NBEA: variants seen among roughly 807,000 people sequenced by gnomAD.
NBEA encodes neurobeachin.
NBEA carries 44 observed loss-of-function variants against 343.4 expected under a neutral mutation model. The observed-to-expected ratio is 0.13, with a 90% CI of 0.10 to 0.16. The LOEUF (loss-of-function observed/expected upper bound fraction) is 0.16. Ranked by LOEUF, NBEA falls within the 10% of genes least tolerant of loss-of-function variation. The pLI is 1.00. For missense variants in NBEA, 2,555 were observed against 3,631.3 expected, an observed-to-expected ratio of 0.70 and a Z score of 7.62; for synonymous variants, 1,175 against 1,238.7, an observed-to-expected ratio of 0.95 and a Z score of 1.08.
intron 48 of NBEA, among the ~76,000 whole-genome samples, chr13:35,626,332 T>C (rs2083229353): frequency 6.6e-6 from 1 of 152,152 alleles, no homozygotes; most frequent in African/African-American, 2.4e-5. Flanking sequence ...AAAAAACACA[T>C]TTTAAAAGCT....
intron 38 of NBEA, among the ~76,000 whole-genome samples, chr13:35,382,753 T>A (rs1317761754): frequency 1.3e-5 from 2 of 152,164 alleles, no homozygotes; most frequent in African/African-American, 4.8e-5. Flanking sequence ...AAAATGCCTG[T>A]ATTTTGCAAC....
chr13:35,514,646 T>C (rs1424907812), intron 41 of NBEA, among the ~76,000 whole-genome samples: 2 of 152,208 alleles, frequency 1.3e-5, no homozygotes, highest in African/African-American at 4.8e-5. Flanking sequence ...ATCTGTTCAT[T>C]TTTGCTGTTT....
At chr13:35,026,900 C>G (rs2062037065) in intron 1 of NBEA, among the ~76,000 whole-genome samples, 1 of 152,090 alleles carries the variant, frequency 6.6e-6, no homozygotes, top group African/African-American at 2.4e-5. Flanking sequence ...CACACCCATC[C>G]TCTTACCCTC....
intron 40 of NBEA, among the ~76,000 whole-genome samples, chr13:35,459,015 CCCCACACA>C (rs2046758067): frequency 9.5e-6 from 1 of 104,916 alleles, no homozygotes; most frequent in African/African-American, 4.6e-5. Flanking sequence ...GCCCCCCCCC[CCCCACACA>C]CACACACACA....
intron 37 of NBEA, among the ~76,000 whole-genome samples, chr13:35,351,069 G>A (rs2040173416): frequency 6.6e-6 from 1 of 151,838 alleles, no homozygotes; most frequent in African/African-American, 2.4e-5. Context: ...AAGATAAATT[G>A]GAAAATGAAT....
chr13:34,987,199 A>G (rs1349272806), intron 1 of NBEA, among the ~76,000 whole-genome samples: 4 of 150,992 alleles, frequency 2.6e-5, no homozygotes, highest in African/African-American at 9.7e-5. Flanking sequence ...CCTGGTGGTG[A>G]CAAAATCTGT....
intron 34 of NBEA, among the ~76,000 whole-genome samples, chr13:35,272,345 C>A (rs905853093): frequency 1.3e-5 from 2 of 152,126 alleles, no homozygotes; most frequent in Admixed American, 1.3e-4. Flanking sequence ...TACAAGAGCT[C>A]CTGAAAGAAG....
At chr13:35,193,601 G>A (rs1358456412) in intron 30 of NBEA, among the ~76,000 whole-genome samples, 1 of 151,764 alleles carries the variant, frequency 6.6e-6, no homozygotes, top group Non-Finnish European at 1.5e-5. Flanking sequence ...TATTAAAAAT[G>A]CCAAACTATT....
intron 33 of NBEA, among the ~76,000 whole-genome samples, chr13:35,216,109 C>G (rs2074048861): frequency 6.6e-6 from 1 of 151,284 alleles, no homozygotes; most frequent in Non-Finnish European, 1.5e-5. Context: ...TATTGCTTTT[C>G]AATATTATGA....
chr13:35,252,940 C>T (rs565745601), intron 34 of NBEA, among the ~76,000 whole-genome samples: 1 of 152,102 alleles, frequency 6.6e-6, no homozygotes, highest in African/African-American at 2.4e-5. Context: ...CCTCTCTACT[C>T]CCCACCTTGG....
At chr13:35,119,721 G>A (rs867860609) in intron 16 of NBEA, among the ~76,000 whole-genome samples, 2 of 152,226 alleles carry the variant, frequency 1.3e-5, no homozygotes, top group Admixed American at 6.5e-5. Flanking sequence ...GAGTAGCTGG[G>A]ACTACAGGCG....
At chr13:35,158,959 GT>G in intron 21 of NBEA, 56 bp from the exon 22 acceptor site, 1 of 1,380,048 alleles carries the variant, frequency 7.2e-7, no homozygotes, top group Non-Finnish European at 9.7e-7. Context: ...GTATTATTTA[GT>G]TTTTTCTTTT....
intron 38 of NBEA, among the ~76,000 whole-genome samples, chr13:35,387,445 T>G (rs1031984382): frequency 4.6e-5 from 7 of 152,162 alleles, no homozygotes; most frequent in African/African-American, 1.7e-4. Context: ...TGGCACCTAT[T>G]CTATGTTGTT....
Position 35,284,009 on chromosome 13 carries a change from CACACACCA to C in NBEA, c.5777-6379_5777-6372del, listed in dbSNP as rs1313196975. On this transcript the variant is annotated intron_variant, in intron 34 of 58. Coordinates refer to ENST00000379939, the MANE Select transcript of NBEA (RefSeq NM_001385012.1). ...ACAGACACACACACACACACACACACACACACCACACAGATGCATGTACACACACATCT... is the reference window on the plus strand; with the variant it reads ...ACAGACACACACACACACACACACACCACAGATGCATGTACACACACATCT... Among the ~76,000 whole-genome samples the C allele has an allele frequency of 2.8e-5, 4 of 143,432 alleles. No individual in the cohort carries two copies. In the South Asian group the frequency reaches 6.5e-4, roughly 23 times the overall value. The allele number at this position is 143,432 out of a possible 152,430, so 94.1% of individuals were successfully genotyped here. A position where few individuals can be genotyped will look rare whatever the true frequency, so the allele number is the denominator to read the frequency against.
intron 38 of NBEA, among the ~76,000 whole-genome samples, chr13:35,360,381 A>G (rs73494513): frequency 0.012 from 1,830 of 152,124 alleles, 44 homozygotes; most frequent in African/African-American, 0.042. Flanking sequence ...CCTGACTTCC[A>G]AAACAAAAAT....
chr13:35,538,276 A>G (rs1022958922), intron 41 of NBEA, among the ~76,000 whole-genome samples: 4 of 152,222 alleles, frequency 2.6e-5, no homozygotes, highest in African/African-American at 4.8e-5. Context: ...GCCTGAGGGT[A>G]ATTGTATACA....
intron 45 of NBEA, among the ~76,000 whole-genome samples, chr13:35,574,625 T>G (rs1321084079): frequency 6.6e-6 from 1 of 152,052 alleles, no homozygotes; most frequent in Admixed American, 6.5e-5. Flanking sequence ...GTGGCTCACG[T>G]CTGTAATCCT....
intron 39 of NBEA, among the ~76,000 whole-genome samples, chr13:35,446,346 T>C (rs1566145940): frequency 6.6e-6 from 1 of 152,176 alleles, no homozygotes; most frequent in Non-Finnish European, 1.5e-5. Flanking sequence ...ATGGGATGGC[T>C]GGGTCAAATG....
At chr13:35,295,424 C>T (rs1274725502) in intron 35 of NBEA, among the ~76,000 whole-genome samples, 1 of 151,890 alleles carries the variant, frequency 6.6e-6, no homozygotes, top group Non-Finnish European at 1.5e-5. Context: ...CACCTCTTAT[C>T]TGTGATATAA....
Sources: allele counts gnomAD v4.1 joint callset (sites outside exome capture counted in the v4.1 genomes callset), GRCh38; gene constraint gnomAD v4.1.1; transcripts MANE v1.5; gene names NCBI Gene and HGNC (gene_info 2026-07-23, HGNC 2026-07-21).